The following TPD52 variants were observed in gnomAD, a reference collection of about 807,000 sequenced individuals.
TPD52 encodes tumor protein D52.
In TPD52, 17 loss-of-function variants were observed where a neutral mutation model predicts 31.3. The observed-to-expected ratio is 0.54, with a 90% CI of 0.37 to 0.82. TPD52 has a LOEUF of 0.82. Ranked by LOEUF, TPD52 falls within the 40% of genes least tolerant of loss-of-function variation. The pLI is 0.00. For missense variants in TPD52, 212 were observed against 240.1 expected, an observed-to-expected ratio of 0.88 and a Z score of 0.77; for synonymous variants, 83 against 89.6, an observed-to-expected ratio of 0.93 and a Z score of 0.42.
rs762276312 is a variant in TPD52, at chr8:80,038,157, T to C, written c.583A>G (p.Thr195Ala). The change falls in exon 8 of 8, where the codon ACC becomes GCC. Residue 195 changes from threonine to alanine, a missense_variant. Thr to Ala is a moderately conservative substitution (Grantham distance 58, BLOSUM62 0). Coordinates refer to ENST00000518937, the MANE Select transcript of TPD52 (RefSeq NM_001025253.3). ...GTCTTTTCTGGAAGAGGCTCCGTGG[T>C]GGTGGCACTAGCATTTGCAGCCGAA... ...LNSAANASAT[T>A]TEPLPEKTQE... 1 of 1,614,142 alleles carries C rather than the reference T, an allele frequency of 6.2e-7. No individual in the cohort carries two copies.
At chr8:80,117,734 CT>C (rs57998208) in intron 1 of TPD52, among the ~76,000 whole-genome samples, 70 of 131,366 alleles carry the variant, frequency 5.3e-4, no homozygotes, top group Admixed American at 6.4e-4. Context: ...TTTTTTCTTT[CT>C]TTTTTTTTTT....
At chr8:80,055,934 G>T (rs1166143422) in intron 2 of TPD52, among the ~76,000 whole-genome samples, 2 of 152,138 alleles carry the variant, frequency 1.3e-5, no homozygotes, top group African/African-American at 4.8e-5. Context: ...ATACACTGTT[G>T]CTGGGAATAT....
In TPD52 at chr8:80,070,688, G is replaced by A. The variant is rs77466393; in HGVS notation, c.20-6095C>T. Among the ~76,000 whole-genome samples the A allele has an allele frequency of 5.2e-3, 790 of 152,292 alleles. 11 individuals carry two copies. The highest frequency in any genetic ancestry group is 0.018 in the African/African-American group (756 of 41,546). On this transcript the variant is annotated intron_variant, in intron 1 of 7. Coordinates refer to ENST00000518937, the MANE Select transcript of TPD52 (RefSeq NM_001025253.3). ...ACCAGTCCACCACCTGGGCGTTGGGGATCCCTGGTTTAAGTCAAATGCTTC... is the reference window on the plus strand; with the variant it reads ...ACCAGTCCACCACCTGGGCGTTGGGAATCCCTGGTTTAAGTCAAATGCTTC...
intron 1 of TPD52, among the ~76,000 whole-genome samples, chr8:80,150,370 A>G (rs574253834): frequency 1.3e-5 from 2 of 152,248 alleles, no homozygotes; most frequent in South Asian, 4.1e-4. Context: ...AGGGCAGTGC[A>G]GGAGCGAAAT....
chr8:80,151,695 C>CT (rs967854366), intron 1 of TPD52, among the ~76,000 whole-genome samples: 3 of 151,586 alleles, frequency 2.0e-5, no homozygotes, highest in South Asian at 4.2e-4. Context: ...AACCAATCAG[C>CT]TTTTTTTTTC....
At chr8:80,144,343 T>C (rs1233231182) in intron 1 of TPD52, among the ~76,000 whole-genome samples, 1 of 152,184 alleles carries the variant, frequency 6.6e-6, no homozygotes, top group Non-Finnish European at 1.5e-5. Flanking sequence ...TAAAAAACAC[T>C]GAACAATTAA....
At chr8:80,147,326 A>T (rs990006511) in intron 1 of TPD52, among the ~76,000 whole-genome samples, 2 of 152,184 alleles carry the variant, frequency 1.3e-5, no homozygotes, top group Non-Finnish European at 2.9e-5. Context: ...CTGACGGGAT[A>T]GGAGAATGAG....
rs531132381 is a variant in TPD52, at chr8:80,124,457, G to A, written c.19+46968C>T. On this transcript the variant is annotated intron_variant, in intron 1 of 7. Transcript: ENST00000518937. ...CAAAGTGCTGGGATTACAGATGTGA[G>A]CCACCCTGCCCAGCCTGGCAAGTTT... Among the ~76,000 whole-genome samples, 21 of 152,220 alleles carry A rather than the reference G, an allele frequency of 1.4e-4. 1 individual carries two copies. Among genetic ancestry groups the A allele is most frequent in the African/African-American group, 4.8e-4 (20 of 41,524 alleles).
intron 1 of TPD52, among the ~76,000 whole-genome samples, chr8:80,167,993 T>A (rs1811829467): frequency 6.6e-6 from 1 of 152,236 alleles, no homozygotes; most frequent in Admixed American, 6.5e-5. Context: ...TATGCTCTAG[T>A]TAGCAACACT....
intron 1 of TPD52, among the ~76,000 whole-genome samples, chr8:80,101,881 C>A (rs1443863114): frequency 6.6e-6 from 1 of 152,118 alleles, no homozygotes; most frequent in Admixed American, 6.5e-5. Flanking sequence ...TTGGAGGGAA[C>A]AAACACCCAA....
intron 1 of TPD52, among the ~76,000 whole-genome samples, chr8:80,097,441 G>A (rs1183836084): frequency 6.6e-6 from 1 of 152,226 alleles, no homozygotes; most frequent in East Asian, 1.9e-4. Flanking sequence ...AATCCCCAGT[G>A]TTGGAGGAGG....
In TPD52 at chr8:80,050,446, T is replaced by C; in HGVS notation, c.412A>G (p.Ser138Gly). The C allele has an allele frequency of 1.2e-6, 2 of 1,606,714 alleles. No homozygotes were observed. The highest frequency in any genetic ancestry group is 1.7e-6 in the Non-Finnish European group (2 of 1,176,740). Residue 138 changes from serine (S) to glycine (G), a missense_variant and splice_region_variant, in exon 5 of 8, where the codon AGT becomes GGT. Transcript: ENST00000518937. The part of the protein sequence containing the change: ...VKLQAFSHSF[S>G]IRSIQHSISM... ...AGTGATGGTTCAAACTCTCCTTACC[T>C]AAAGGAATGTGAAAAGGCTTGCAAT... is the stretch of plus-strand genomic sequence containing the variant.
In TPD52 at chr8:80,050,482, C is replaced by T; in HGVS notation, c.387-11G>A. 6.2e-7 allele frequency: 1 copy of T among 1,600,682 alleles called. No homozygotes were observed. The highest frequency in any genetic ancestry group is 8.5e-7 in the Non-Finnish European group (1 of 1,174,014). On this transcript the variant is annotated splice_polypyrimidine_tract_variant and intron_variant, in intron 4 of 7. Transcript: ENST00000518937. ...GAAAAGGCTTGCAATCTGTAAGAAG[C>T]CAGAGTAAGCATTAAAAAAGAAAGA...
chr8:80,147,724 T>C (rs1052804532), intron 1 of TPD52, among the ~76,000 whole-genome samples: 1 of 152,068 alleles, frequency 6.6e-6, no homozygotes, highest in Non-Finnish European at 1.5e-5. Context: ...CTGAGACCTA[T>C]GGAACAAACC....
intron 1 of TPD52, among the ~76,000 whole-genome samples, chr8:80,166,444 C>CG (rs1811718350): frequency 6.6e-6 from 1 of 151,278 alleles, no homozygotes; most frequent in South Asian, 2.1e-4. Flanking sequence ...GTTGGTCAGG[C>CG]GGGTCTCCAA....
intron 1 of TPD52, among the ~76,000 whole-genome samples, chr8:80,127,955 A>C (rs2131066583): frequency 6.6e-6 from 1 of 151,110 alleles, no homozygotes; most frequent in Non-Finnish European, 1.5e-5. Flanking sequence ...TTCACTTTGT[A>C]CTCTTCTGTG....
At chr8:80,137,014 T>C (rs1809481355) in intron 1 of TPD52, among the ~76,000 whole-genome samples, 1 of 152,274 alleles carries the variant, frequency 6.6e-6, no homozygotes, top group African/African-American at 2.4e-5. Context: ...AAAGACAAAA[T>C]TTCAATCTTT....
At chr8:80,038,591 G>A (rs1453820785) in intron 7 of TPD52, among the ~76,000 whole-genome samples, 3 of 152,128 alleles carry the variant, frequency 2.0e-5, no homozygotes, top group Non-Finnish European at 2.9e-5. Flanking sequence ...GTATTGCATC[G>A]AATTGCTCAT....
chr8:80,132,287 C>T (rs1403871885), intron 1 of TPD52, among the ~76,000 whole-genome samples: 1 of 152,120 alleles, frequency 6.6e-6, no homozygotes, highest in African/African-American at 2.4e-5. Context: ...CTCCCTCCTC[C>T]ACACCAACAT....
Sources: allele counts gnomAD v4.1 joint callset (sites outside exome capture counted in the v4.1 genomes callset), GRCh38; gene constraint gnomAD v4.1.1; transcripts MANE v1.5; gene names NCBI Gene and HGNC (gene_info 2026-07-23, HGNC 2026-07-21).